TDRD12: variants seen among roughly 807,000 people sequenced by gnomAD.
The protein encoded by TDRD12 is tudor domain containing 12.
In TDRD12, 158 loss-of-function variants were observed where a neutral mutation model predicts 133.5. That is an observed-to-expected ratio of 1.18 (90% CI 1.04 to 1.35). TDRD12 has a LOEUF of 1.35. TDRD12 is among the 40% of genes most tolerant of loss of function. The pLI, the probability that TDRD12 is intolerant of heterozygous loss-of-function variation, is 0.00. For synonymous variants in TDRD12, 460 were observed against 477.9 expected (o/e 0.96, Z 0.49); for missense variants, 1,443 against 1,321.3 (o/e 1.09, Z -1.43).
chr19:32,805,729 C>CTTTT (rs397860060), intron 21 of TDRD12, among the ~76,000 whole-genome samples: 8 of 118,894 alleles, frequency 6.7e-5, no homozygotes, highest in African/African-American at 9.9e-5. Flanking sequence ...TTTTTTTTAT[C>CTTTT]TTTTTTTTTT....
At chr19:32,795,418 C>T (rs1971197791) in intron 14 of TDRD12, among the ~76,000 whole-genome samples, 1 of 151,812 alleles carries the variant, frequency 6.6e-6, no homozygotes. Flanking sequence ...TCTATCTATC[C>T]ATCACAGTAG....
At position 32,777,894 on chromosome 19, in the gene TDRD12, A is replaced by G. The variant is rs56296394; in HGVS notation, c.1121+665A>G. 7.1e-3 allele frequency among the ~76,000 whole-genome samples: 451 copies of G among 63,106 alleles called. 6 individuals are homozygous for G. Among genetic ancestry groups the G allele is most frequent in the African/African-American group, 0.025 (423 of 17,194 alleles). The allele number at this position is 63,106 out of a possible 152,430, so 41.4% of individuals were successfully genotyped here. On this transcript the variant is annotated intron_variant, in intron 11 of 27. Transcript: ENST00000444215. ...TTTTTTTTTTTTTTTTTTTTTTTGT[A>G]GGACGAGGGTCTCGCTATGTTACCC...
chr19:32,779,453 G>T (rs535732663), intron 11 of TDRD12, among the ~76,000 whole-genome samples: 3 of 152,318 alleles, frequency 2.0e-5, no homozygotes, highest in African/African-American at 7.2e-5. Context: ...GGTCACCCCA[G>T]ATGCAGTCTT....
intron 13 of TDRD12, among the ~76,000 whole-genome samples, chr19:32,792,915 C>T (rs540450499): frequency 5.9e-5 from 9 of 152,246 alleles, no homozygotes; most frequent in South Asian, 2.1e-4. Flanking sequence ...AGGTCAGGTG[C>T]GGTGGCTCAC....
Position 32,798,351 on chromosome 19 carries a change from C to T in TDRD12, c.1674C>T (p.Leu558=), listed in dbSNP as rs544370879. The T allele has an allele frequency of 2.1e-5, 33 of 1,535,706 alleles. 1 individual carries two copies. The highest frequency in any genetic ancestry group is 8.3e-5 in the South Asian group (7 of 84,024). Residue 558 remains leucine, a synonymous_variant, in exon 16 of 28, where the codon CTC becomes CTT. Coordinates refer to ENST00000444215, the Ensembl canonical transcript of TDRD12. ...CCCCATACAGCCTGCTGAGGCTTCTCGCCTGTCAGAGCCTGCTGTTCCTCA... is the reference window on the plus strand; with the variant it reads ...CCCCATACAGCCTGCTGAGGCTTCTTGCCTGTCAGAGCCTGCTGTTCCTCA...
chr19:32,732,015 T>G (rs1969073155), intron 2 of TDRD12, 132 bp downstream of exon 2: 1 of 929,048 alleles, frequency 1.1e-6, no homozygotes, highest in African/African-American at 1.7e-5. Context: ...GTGTTAGGTT[T>G]TTTTTTGAGA....
chr19:32,766,109 T>C (rs1317119549), intron 8 of TDRD12, among the ~76,000 whole-genome samples: 1 of 152,204 alleles, frequency 6.6e-6, no homozygotes, highest in Non-Finnish European at 1.5e-5. Context: ...ATTTGTGCCT[T>C]TATATTTGAA....
chr19:32,799,913 T>A (rs1415689244), intron 16 of TDRD12, among the ~76,000 whole-genome samples: 1 of 151,854 alleles, frequency 6.6e-6, no homozygotes, highest in African/African-American at 2.4e-5. Flanking sequence ...TTGTTGTATC[T>A]TTAGTAGAGA....
At chr19:32,748,320 C>T (rs1257358874) in intron 4 of TDRD12, among the ~76,000 whole-genome samples, 156 bp from the exon 5 acceptor site, 1 of 152,206 alleles carries the variant, frequency 6.6e-6, no homozygotes, top group Non-Finnish European at 1.5e-5. Context: ...GTGGGATCCT[C>T]ACCCCCAGAG....
rs370133113 is a variant in TDRD12 at position 32,804,351 on chromosome 19, C to T, written c.2552+1209C>T. The stretch of plus-strand genomic sequence containing the variant: ...CCTCCCAAAGTGCTGAGATTACAGG[C>T]GTGAGCCACCGCGCCCAGCCTGATG... On this transcript the variant is annotated intron_variant, in intron 21 of 27. Coordinates refer to ENST00000444215, the Ensembl canonical transcript of TDRD12. Among the ~76,000 whole-genome samples the T allele has an allele frequency of 1.0e-3, 153 of 150,282 alleles. 3 individuals carry two copies. The South Asian group carries it at 0.031, about 30-fold the overall frequency.
chr19:32,820,429 C>A (rs1405306581), intron 27 of TDRD12, among the ~76,000 whole-genome samples: 1 of 152,054 alleles, frequency 6.6e-6, no homozygotes. Context: ...AATACTGAAC[C>A]ACATGAATGT....
At chr19:32,806,269 C>T (rs1383153797) in intron 21 of TDRD12, among the ~76,000 whole-genome samples, 2 of 151,136 alleles carry the variant, frequency 1.3e-5, no homozygotes, top group Admixed American at 6.6e-5. Flanking sequence ...TTGACATTAA[C>T]GTTTTTGAAT....
intron 24 of TDRD12, among the ~76,000 whole-genome samples, chr19:32,811,846 G>A (rs990937507): frequency 6.6e-6 from 1 of 152,106 alleles, no homozygotes; most frequent in Non-Finnish European, 1.5e-5. Flanking sequence ...TCCAGCCCAG[G>A]TGACAGAGTG....
chr19:32,798,526 G>A (rs1383601961), intron 16 of TDRD12, 91 bp downstream of exon 16: 3 of 1,068,858 alleles, frequency 2.8e-6, no homozygotes, highest in African/African-American at 1.6e-5. Context: ...GTCTGGTTGG[G>A]GAATACATTG....
intron 13 of TDRD12, among the ~76,000 whole-genome samples, chr19:32,794,151 G>C (rs1971154521): frequency 7.2e-6 from 1 of 138,252 alleles, no homozygotes; most frequent in Non-Finnish European, 1.5e-5. Context: ...TGTCACCCAG[G>C]CTGGAGTGCA....
intron 13 of TDRD12, among the ~76,000 whole-genome samples, chr19:32,793,366 C>T (rs1402075719): frequency 6.6e-6 from 1 of 152,060 alleles, no homozygotes; most frequent in Non-Finnish European, 1.5e-5. Context: ...TGTTCTCTAC[C>T]AAAACAAAGA....
intron 6 of TDRD12, among the ~76,000 whole-genome samples, chr19:32,753,182 T>A (rs2145532623): frequency 1.3e-5 from 2 of 152,302 alleles, no homozygotes; most frequent in South Asian, 4.1e-4. Context: ...GGTGTGCTTG[T>A]TCCAACTGGG....
At chr19:32,750,804 G>T (rs1969801364) in intron 6 of TDRD12, among the ~76,000 whole-genome samples, 1 of 152,090 alleles carries the variant, frequency 6.6e-6, no homozygotes, top group Admixed American at 6.5e-5. Context: ...CCTCAATTTG[G>T]TTTGCCTGAT....
intron 4 of TDRD12, among the ~76,000 whole-genome samples, 179 bp downstream of exon 4, chr19:32,743,079 G>A (rs1424135497): frequency 6.6e-6 from 1 of 152,168 alleles, no homozygotes; most frequent in Non-Finnish European, 1.5e-5. Flanking sequence ...TTTGGAGCAG[G>A]GCCTGAGCTC....
Sources: gnomAD v4.1 joint callset for allele counts (sites outside exome capture counted in the v4.1 genomes callset) on GRCh38, gnomAD v4.1.1 for gene constraint, MANE v1.5 for transcripts, NCBI Gene and HGNC (gene_info 2026-07-23, HGNC 2026-07-21) for gene names.